The following RHOBTB2 variants were observed in gnomAD, a reference collection of about 807,000 sequenced individuals.
RHOBTB2 encodes the protein rho-related BTB domain-containing protein 2.
In RHOBTB2, 39 loss-of-function variants were observed where a neutral mutation model predicts 66.5. The observed-to-expected ratio is 0.59, with a 90% CI of 0.45 to 0.77. The LOEUF (loss-of-function observed/expected upper bound fraction) is 0.77. RHOBTB2 is among the 30% of genes least tolerant of loss of function. RHOBTB2 has a pLI of 0.00. For missense variants in RHOBTB2, 755 were observed against 999.1 expected, an observed-to-expected ratio of 0.76 and a Z score of 3.29; for synonymous variants, 390 against 395.0, an observed-to-expected ratio of 0.99 and a Z score of 0.15.
chr8:22,971,787 G>A, the RHOBTB2 span, among the ~76,000 whole-genome samples: 3 of 151,986 alleles, frequency 2.0e-5, no homozygotes, highest in Admixed American at 2.0e-4. Context: ...TTGCCCACTG[G>A]ATTCATCTTC....
At chr8:22,990,447 C>T (rs1040328817) in intron 1 of RHOBTB2, among the ~76,000 whole-genome samples, 13 of 152,134 alleles carry the variant, frequency 8.5e-5, no homozygotes, top group East Asian at 1.9e-4. Flanking sequence ...TCCTAGTCCC[C>T]GGCTCTCTGG....
intron 1 of RHOBTB2, chr8:22,991,989 T>C (rs766822233): frequency 1.3e-5 from 2 of 152,278 alleles, no homozygotes; most frequent in Non-Finnish European, 2.9e-5. Context: ...GACAGCCTAA[T>C]TGAAACCAGC....
rs921167180 is a variant in RHOBTB2 at position 23,005,476 on chromosome 8, G to A, written c.296+1G>A. On this transcript the variant is annotated splice_donor_variant, in intron 3 of 9. Coordinates refer to ENST00000251822, the MANE Select transcript of RHOBTB2 (RefSeq NM_015178.3). LOFTEE classifies it high-confidence loss of function. ...AAGACCGTCGCTTTGCTTATGGGAG[G>A]TAGGGAAGGCCTCTAGCCGCCTGCA... 1.4e-5 allele frequency: 22 copies of A among 1,607,812 alleles called. No homozygotes were observed. The highest frequency in any genetic ancestry group is 1.9e-5 in the Non-Finnish European group (22 of 1,174,320).
At chr8:22,992,624 AG>A (rs1430420840) in intron 2 of RHOBTB2, among the ~76,000 whole-genome samples, 1 of 152,226 alleles carries the variant, frequency 6.6e-6, no homozygotes, top group Non-Finnish European at 1.5e-5. Flanking sequence ...GGTGGCTTCC[AG>A]GCCCTGTCCT....
the RHOBTB2 span, among the ~76,000 whole-genome samples, chr8:22,962,741 CA>C: frequency 2.0e-5 from 3 of 152,216 alleles, no homozygotes; most frequent in Non-Finnish European, 4.4e-5. Context: ...GAGTGCTCAG[CA>C]ACCTGACTGT....
upstream of RHOBTB2, among the ~76,000 whole-genome samples, chr8:22,995,413 C>T (rs1214068202): frequency 6.6e-6 from 1 of 152,114 alleles, no homozygotes; most frequent in Admixed American, 6.5e-5. Flanking sequence ...TAGGGGAGCA[C>T]AGGGGAAGAA....
the RHOBTB2 span, among the ~76,000 whole-genome samples, chr8:22,970,000 C>G: frequency 1.3e-5 from 2 of 152,174 alleles, no homozygotes. Flanking sequence ...GATCTGCCCA[C>G]GTCAGCCTAC....
At chr8:22,996,516 T>G (rs1253478015), upstream of RHOBTB2, among the ~76,000 whole-genome samples, 1 of 80,126 alleles carries the variant, frequency 1.2e-5, no homozygotes, top group African/African-American at 6.5e-5. Flanking sequence ...TGTGTGTGTG[T>G]GTGTGTGTGT....
At chr8:22,953,699 A>G in the RHOBTB2 span, among the ~76,000 whole-genome samples, 5 of 152,320 alleles carry the variant, frequency 3.3e-5, no homozygotes, top group Admixed American at 6.5e-5. Context: ...CACTAAGTCA[A>G]CATTTGTTGA....
chr8:23,004,627 G>T lies in RHOBTB2; in HGVS notation c.192+1G>T, dbSNP rs1328597180. ...CGACCAATATCGTGTGTGCCAGGAGGTAAGGCTGCAGGACTACCTGGCTGG... is the reference window on the plus strand; with the variant it reads ...CGACCAATATCGTGTGTGCCAGGAGTTAAGGCTGCAGGACTACCTGGCTGG... On this transcript the variant is annotated splice_donor_variant, in intron 2 of 9. Transcript: ENST00000251822. LOFTEE classifies it high-confidence loss of function. This position sits in a 1 kb window ranked among gnomAD's most constrained non-coding sequence, Gnocchi z 6.4. 1.2e-6 allele frequency: 2 copies of T among 1,611,790 alleles called. No individual in the cohort carries two copies. Among genetic ancestry groups the T allele is most frequent in the Non-Finnish European group, 1.7e-6 (2 of 1,179,304 alleles).
chr8:23,015,392 G>A (rs891650827), intron 8 of RHOBTB2, among the ~76,000 whole-genome samples: 2 of 152,158 alleles, frequency 1.3e-5, no homozygotes, highest in African/African-American at 4.8e-5. Flanking sequence ...TGTCTGCAGC[G>A]AGGATGCCAG....
At chr8:22,975,867 G>A in the RHOBTB2 span, among the ~76,000 whole-genome samples, 2 of 151,936 alleles carry the variant, frequency 1.3e-5, no homozygotes, top group Non-Finnish European at 2.9e-5. Context: ...ACCACTGGGG[G>A]CCAGGTGCGG....
At chr8:23,005,524 T>C (rs1202432623) in intron 3 of RHOBTB2, 49 bp downstream of exon 3, 23 of 1,200,700 alleles carry the variant, frequency 1.9e-5, no homozygotes, top group Non-Finnish European at 2.7e-5. Flanking sequence ...GGTGGGTTTT[T>C]CCCTGCTTTT....
upstream of RHOBTB2, among the ~76,000 whole-genome samples, chr8:22,986,265 CTTTTTTTT>C (rs33995780): frequency 1.2e-5 from 1 of 84,986 alleles, no homozygotes; most frequent in Non-Finnish European, 2.2e-5. Flanking sequence ...CAGTGCATTG[CTTTTTTTT>C]TTTTTTTTTT....
chr8:22,963,933 C>T, the RHOBTB2 span, among the ~76,000 whole-genome samples: 10 of 152,038 alleles, frequency 6.6e-5, no homozygotes, highest in African/African-American at 1.9e-4. Context: ...AGGCATGCGC[C>T]ACCATGCCCA....
chr8:22,961,442 G>A, the RHOBTB2 span, among the ~76,000 whole-genome samples: 1 of 152,146 alleles, frequency 6.6e-6, no homozygotes, highest in African/African-American at 2.4e-5. Flanking sequence ...CTTGTGGAAT[G>A]GAGTTCTCTG....
In RHOBTB2 at chr8:23,005,966, T is replaced by C. The variant is rs756707943; in HGVS notation, c.303T>C (p.Asp101=). 2.5e-6 allele frequency: 4 copies of C among 1,611,906 alleles called. No individual in the cohort carries two copies. Among genetic ancestry groups the C allele is most frequent in the Non-Finnish European group, 3.4e-6 (4 of 1,178,154 alleles). The change falls in exon 4 of 10, where the codon GAT becomes GAC. Residue 101 remains aspartate, a synonymous_variant. Coordinates refer to ENST00000251822, the MANE Select transcript of RHOBTB2 (RefSeq NM_015178.3). ...KDRRFAYGRS[D]VVVLCFSIAN... ...CTTACTTTCCCACCCGCAGATCTGATGTGGTGGTTCTGTGCTTCTCCATTG... is the reference window on the plus strand; with the variant it reads ...CTTACTTTCCCACCCGCAGATCTGACGTGGTGGTTCTGTGCTTCTCCATTG...
rs772023790 is a variant in RHOBTB2, at chr8:23,007,251, C to G, written c.1006C>G (p.Arg336Gly). The G allele has an allele frequency of 6.2e-7, 1 of 1,611,748 alleles. No homozygotes were observed. The highest frequency in any genetic ancestry group is 1.7e-5 in the Admixed American group (1 of 59,958). Reference sequence around the variant, plus strand: ...CCACCATCACCACCACCACCATGGGCGAGACTTCCTGCTCCGAGCAGCCAG... The same window carrying G: ...CCACCATCACCACCACCACCATGGGGGAGACTTCCTGCTCCGAGCAGCCAG... ...HHHHHHHHHG[R>G]DFLLRAASFD... Residue 336 changes from arginine to glycine, a missense_variant, in exon 5 of 10, where the codon CGA becomes GGA. Transcript: ENST00000251822.
chr8:22,969,252 C>T, the RHOBTB2 span, among the ~76,000 whole-genome samples: 8 of 152,034 alleles, frequency 5.3e-5, 1 homozygote, highest in Non-Finnish European at 7.4e-5. Flanking sequence ...ATGGGGTAAC[C>T]CCCCCACCCC....
Sources: gnomAD v4.1 joint callset for allele counts (sites outside exome capture counted in the v4.1 genomes callset) on GRCh38, gnomAD v4.1.1 for gene constraint, Gnocchi (gnomAD v3.1) non-coding constraint, MANE v1.5 for transcripts, NCBI Gene and HGNC (gene_info 2026-07-23, HGNC 2026-07-21) for gene names.